The following FANCC variants were observed in gnomAD, a reference collection of about 807,000 sequenced individuals.
FANCC encodes the protein FA complementation group C.
A neutral mutation model predicts 71.3 loss-of-function variants in FANCC; 55 were observed. The observed-to-expected ratio is 0.77, with a 90% CI of 0.62 to 0.97. The LOEUF (loss-of-function observed/expected upper bound fraction) is 0.97, where lower values mean the gene tolerates loss of function less well. Among genes scored for constraint, FANCC ranks in the 50% least tolerant of loss-of-function variants. The pLI is 0.00. For synonymous variants in FANCC, 275 were observed against 244.9 expected (o/e 1.12, Z -1.15); for missense variants, 678 against 670.9 (o/e 1.01, Z -0.12).
chr9:95,102,987 C>T (rs1157642468), intron 14 of FANCC, among the ~76,000 whole-genome samples: 2 of 152,172 alleles, frequency 1.3e-5, no homozygotes, highest in Non-Finnish European at 2.9e-5. Context: ...TGTCCCTGGG[C>T]GTCTGTATTG....
chr9:95,267,155 G>A (rs920988213), intron 1 of FANCC, among the ~76,000 whole-genome samples: 9 of 152,130 alleles, frequency 5.9e-5, no homozygotes, highest in African/African-American at 1.9e-4. Context: ...GTCTTAGAAG[G>A]GTTGGGGGCT....
At chr9:95,292,559 G>C in intron 1 of FANCC, 2 of 1,487,468 alleles carry the variant, frequency 1.3e-6, no homozygotes, top group Non-Finnish European at 1.8e-6. Context: ...AGGTGAGCGA[G>C]CTGTCCCAGA....
At chr9:95,266,193 T>A (rs997098396) in intron 1 of FANCC, among the ~76,000 whole-genome samples, 3 of 152,228 alleles carry the variant, frequency 2.0e-5, no homozygotes, top group African/African-American at 4.8e-5. Context: ...TAGTTAAATA[T>A]TAACAAACAT....
intron 4 of FANCC, among the ~76,000 whole-genome samples, chr9:95,220,871 AAAT>A (rs939557606): frequency 1.3e-5 from 2 of 151,198 alleles, no homozygotes; most frequent in Non-Finnish European, 2.9e-5. Flanking sequence ...GCATAATAAA[AAAT>A]AATAATAAAT....
intron 1 of FANCC, among the ~76,000 whole-genome samples, chr9:95,278,797 A>AAGCGAGCATAAG (rs59557150): frequency 6.6e-6 from 1 of 151,966 alleles, no homozygotes; most frequent in Non-Finnish European, 1.5e-5. Flanking sequence ...CACGGTAATT[A>AAGCGAGCATAAG]TTCTACGGCA....
At chr9:95,314,989 G>A (rs1387867665) in intron 1 of FANCC, among the ~76,000 whole-genome samples, 1 of 152,046 alleles carries the variant, frequency 6.6e-6, no homozygotes, top group African/African-American at 2.4e-5. Flanking sequence ...AAGGAACCCT[G>A]AACCGCCAAA....
chr9:95,294,036 A>C lies in FANCC; in HGVS notation c.-79+23490T>G. On this transcript the variant is annotated intron_variant, in intron 1 of 14. Coordinates refer to ENST00000289081, the MANE Select transcript of FANCC (RefSeq NM_000136.3). ...AGATTGAGAAATGTGCACCAATTAT[A>C]AACTTCAGTGCACAGAACAGTATGC... is the stretch of plus-strand genomic sequence containing the variant. 1.9e-6 allele frequency: 3 copies of C among 1,600,542 alleles called. No individual in the cohort carries two copies. The South Asian group carries it at 3.3e-5, about 18-fold the overall frequency.
intron 4 of FANCC, among the ~76,000 whole-genome samples, chr9:95,218,750 T>G (rs187282531): frequency 6.6e-6 from 1 of 152,174 alleles, no homozygotes; most frequent in Non-Finnish European, 1.5e-5. Context: ...CATTTAAAAA[T>G]AGTCAGCATT....
At chr9:95,284,943 C>A (rs1833601544) in intron 1 of FANCC, among the ~76,000 whole-genome samples, 1 of 151,208 alleles carries the variant, frequency 6.6e-6, no homozygotes, top group East Asian at 1.9e-4. Flanking sequence ...GAGACACGCA[C>A]ACACACAGAA....
In FANCC at chr9:95,117,356, G is replaced by A. The variant is rs2134693111; in HGVS notation, c.1031C>T (p.Thr344Ile). The A allele has an allele frequency of 6.2e-7, 1 of 1,614,082 alleles. No homozygotes were observed. Among genetic ancestry groups the A allele is most frequent in the Non-Finnish European group, 8.5e-7 (1 of 1,180,010 alleles). ...RFALKTYFPY[T>I]SPSLAMVLLQ... is the part of the protein sequence containing the mutation. ...CAGCACCATGGCAAGAGATGGAGAA[G>A]TGTAAGGAAAGTAGGTCTTGAGTGC... is the stretch of plus-strand genomic sequence containing the variant. The change falls in exon 11 of 15, where the codon ACT becomes ATT. Residue 344 changes from threonine to isoleucine, a missense_variant. By Grantham distance (89) the Thr-to-Ile change is moderately conservative. Coordinates refer to ENST00000289081, the MANE Select transcript of FANCC (RefSeq NM_000136.3).
chr9:95,128,894 T>C (rs1355061900), intron 8 of FANCC, among the ~76,000 whole-genome samples: 2 of 151,814 alleles, frequency 1.3e-5, no homozygotes, highest in East Asian at 3.9e-4. Flanking sequence ...AGATTTTGAT[T>C]TGAAAACCAG....
At chr9:95,297,393 T>C (rs939414031) in intron 1 of FANCC, among the ~76,000 whole-genome samples, 2 of 152,196 alleles carry the variant, frequency 1.3e-5, no homozygotes, top group African/African-American at 4.8e-5. Flanking sequence ...CCCACCTACA[T>C]AGCATCTTCC....
intron 1 of FANCC, among the ~76,000 whole-genome samples, chr9:95,283,676 C>G (rs1166301606): frequency 6.6e-6 from 1 of 152,178 alleles, no homozygotes; most frequent in African/African-American, 2.4e-5. Flanking sequence ...AAGCAAATAA[C>G]TCACTTTACA....
rs761050718 is a variant in FANCC, at chr9:95,107,143, G to C, written c.1456C>G (p.Leu486Val). The change falls in exon 14 of 15, where the codon CTG (leucine) becomes GTG (valine). Residue 486 changes from leucine to valine, a missense_variant. Physicochemically the swap from Leu to Val is conservative, Grantham distance 32. Transcript: ENST00000289081. ...AAGTTGAGGAGAAGGTGCCTGATCA[G>C]CTGTTGTGCAGGAGCTCTGAGGTCT... ...DTDLRAPAQQ[L>V]IRHLLLNFLL... The C allele has an allele frequency of 1.9e-6, 3 of 1,614,230 alleles. No homozygotes were observed. The highest frequency in any genetic ancestry group is 2.5e-6 in the Non-Finnish European group (3 of 1,180,044).
intron 6 of FANCC, 77 bp downstream of exon 6, chr9:95,171,002 A>G: frequency 9.6e-7 from 1 of 1,044,952 alleles, no homozygotes. Flanking sequence ...TTTCCTATGA[A>G]TTGTAAAATT....
chr9:95,291,273 G>A (rs1833979733), intron 1 of FANCC, among the ~76,000 whole-genome samples: 1 of 152,054 alleles, frequency 6.6e-6, no homozygotes, highest in Admixed American at 6.5e-5. Flanking sequence ...CTGGAAAGGA[G>A]GAAGTTAAAC....
At chr9:95,181,263 A>G (rs956162268) in intron 4 of FANCC, among the ~76,000 whole-genome samples, 1 of 152,074 alleles carries the variant, frequency 6.6e-6, no homozygotes, top group African/African-American at 2.4e-5. Flanking sequence ...GAAGTGCCAC[A>G]AGAGTTTTTT....
At chr9:95,245,677 G>A (rs4647426) in intron 3 of FANCC, among the ~76,000 whole-genome samples, 3 of 151,676 alleles carry the variant, frequency 2.0e-5, no homozygotes, top group East Asian at 2.0e-4. Flanking sequence ...CGGGTGAATC[G>A]CCTGAGGTCA....
chr9:95,107,065 C>T lies in FANCC; in HGVS notation c.1533+1G>A, dbSNP rs753885687. The T allele has an allele frequency of 6.2e-7, 1 of 1,614,024 alleles. No individual in the cohort carries two copies. Among genetic ancestry groups the T allele is most frequent in the East Asian group, 2.2e-5 (1 of 44,902 alleles). ...GGATGCTGGACCACAGGGAGACTTA[C>T]CAGGGTGATGACATCCCAGGCGATC... On this transcript the variant is annotated splice_donor_variant, in intron 14 of 14. Transcript: ENST00000289081. LOFTEE classifies it high-confidence loss of function.
Sources: gnomAD v4.1 joint callset for allele counts (sites outside exome capture counted in the v4.1 genomes callset) on GRCh38, gnomAD v4.1.1 for gene constraint, MANE v1.5 for transcripts, NCBI Gene and HGNC (gene_info 2026-07-23, HGNC 2026-07-21) for gene names.